MCC: variants seen among roughly 807,000 people sequenced by gnomAD.
The protein encoded by MCC is MCC regulator of Wnt signaling pathway, also known as colorectal mutant cancer protein.
MCC carries 90 observed loss-of-function variants against 116.2 expected under a neutral mutation model. The ratio of observed to expected loss-of-function variants is 0.77; its 90% CI spans 0.65 to 0.92. MCC has a LOEUF of 0.92. Ranked by LOEUF, MCC falls within the 40% of genes least tolerant of loss-of-function variation. The pLI is 0.00. For synonymous variants in MCC, 578 were observed against 510.5 expected (o/e 1.13, Z -1.78); for missense variants, 1,516 against 1,312.2 (o/e 1.16, Z -2.40).
chr5:113,248,342 A>G (rs1764653764), intron 3 of MCC, among the ~76,000 whole-genome samples: 1 of 152,192 alleles, frequency 6.6e-6, no homozygotes, highest in African/African-American at 2.4e-5. Flanking sequence ...AACAGAACAC[A>G]GAAAAACACA....
chr5:113,476,185 C>T (rs1031539593), intron 1 of MCC, among the ~76,000 whole-genome samples: 4 of 152,066 alleles, frequency 2.6e-5, no homozygotes, highest in South Asian at 2.1e-4. Context: ...TTGAAAAGAT[C>T]GAAAACTAAT....
chr5:113,398,050 G>T (rs1769579174), intron 1 of MCC, among the ~76,000 whole-genome samples: 1 of 152,196 alleles, frequency 6.6e-6, no homozygotes, highest in Non-Finnish European at 1.5e-5. Flanking sequence ...CTTCTCAAAA[G>T]AAGACACGCA....
intron 1 of MCC, among the ~76,000 whole-genome samples, chr5:113,458,397 G>A (rs913654741): frequency 6.6e-6 from 1 of 151,082 alleles, no homozygotes; most frequent in Non-Finnish European, 1.5e-5. Flanking sequence ...GCGGGACCAC[G>A]AACCCACCAG....
At chr5:113,043,832 C>A (rs1290765480) in intron 16 of MCC, among the ~76,000 whole-genome samples, 1 of 152,262 alleles carries the variant, frequency 6.6e-6, no homozygotes, top group Non-Finnish European at 1.5e-5. Context: ...GCTCCTTTTG[C>A]AGACTGGCCA....
Position 113,064,749 on chromosome 5 carries a change from C to T in MCC, c.2030-582G>A, listed in dbSNP as rs541530388. Among the ~76,000 whole-genome samples, 8 of 152,302 alleles carry T rather than the reference C, an allele frequency of 5.3e-5. No individual in the cohort carries two copies. In the South Asian group the frequency reaches 1.7e-3, roughly 32 times the overall value. On this transcript the variant is annotated intron_variant, in intron 13 of 18. Transcript: ENST00000408903. ...TTGGTAATCGGCGTGAACTCAAATGCCTCCAGGAGCCAGGTAAGTGGGCTA... is the reference window on the plus strand; with the variant it reads ...TTGGTAATCGGCGTGAACTCAAATGTCTCCAGGAGCCAGGTAAGTGGGCTA...
At position 113,488,441 on chromosome 5, in the gene MCC, A is replaced by T. The variant is rs900477236; in HGVS notation, c.-27T>A. ...CGCCCGCTCCCTACTTGGGAGGAGG[A>T]GTACGCGCGACCGCAGCTGGAATCC... is the stretch of plus-strand genomic sequence containing the variant. On this transcript the variant is annotated 5_prime_UTR_variant, in exon 1 of 19. Transcript: ENST00000408903. The T allele has an allele frequency of 1.4e-6, 2 of 1,391,812 alleles. No individual in the cohort carries two copies. Among genetic ancestry groups the T allele is most frequent in the African/African-American group, 3.0e-5 (2 of 66,294 alleles). 86.2% of individuals were successfully genotyped at this position (1,391,812 alleles called of 1,614,324 possible). A position where few individuals can be genotyped will look rare whatever the true frequency, so the allele number is the denominator to read the frequency against.
At chr5:113,245,185 A>T in intron 3 of MCC, among the ~76,000 whole-genome samples, 1 of 151,790 alleles carries the variant, frequency 6.6e-6, no homozygotes, top group Non-Finnish European at 1.5e-5. Flanking sequence ...GCTATTCACC[A>T]GGAGGCCGAG....
intron 3 of MCC, among the ~76,000 whole-genome samples, chr5:113,260,058 G>A (rs1765163907): frequency 6.6e-6 from 1 of 151,598 alleles, no homozygotes; most frequent in Admixed American, 6.6e-5. Context: ...ATAAATTCAA[G>A]AGAATCAATG....
At chr5:113,165,146 C>T (rs573821358) in intron 3 of MCC, among the ~76,000 whole-genome samples, 4 of 152,324 alleles carry the variant, frequency 2.6e-5, no homozygotes, top group African/African-American at 9.6e-5. Flanking sequence ...CAGATAAAAG[C>T]TACAACACAA....
At chr5:113,309,869 C>G (rs1767094940) in intron 3 of MCC, among the ~76,000 whole-genome samples, 1 of 150,284 alleles carries the variant, frequency 6.7e-6, no homozygotes. Context: ...TCCCTCTCGC[C>G]CTTCCCCCCT....
chr5:113,122,660 G>A, intron 6 of MCC, 24 bp downstream of exon 6: 1 of 1,609,274 alleles, frequency 6.2e-7, no homozygotes, highest in Non-Finnish European at 8.5e-7. Flanking sequence ...ACTCTGGCTT[G>A]GTGGCAAGGG....
rs117048801 is a variant in MCC at position 113,048,238 on chromosome 5, T to C, written c.2655+855A>G. The stretch of plus-strand genomic sequence containing the variant: ...GCTCCCCCTTAACTGCAGTTTTGCT[T>C]TCTGTGGTTTCGGTTCCTCAAGGTC... On this transcript the variant is annotated intron_variant, in intron 16 of 18. Coordinates refer to ENST00000408903, the MANE Select transcript of MCC (RefSeq NM_001085377.2). Among the ~76,000 whole-genome samples, 81 of 152,326 alleles carry C rather than the reference T, an allele frequency of 5.3e-4. 2 individuals are homozygous for C. In the East Asian group the frequency reaches 0.015, roughly 28 times the overall value.
chr5:113,473,326 C>T (rs1224203931), intron 1 of MCC, among the ~76,000 whole-genome samples: 6 of 151,970 alleles, frequency 3.9e-5, no homozygotes, highest in African/African-American at 9.7e-5. Context: ...GAGTTTGAGA[C>T]GAGCCTGGGA....
At chr5:113,211,663 A>C (rs1226844699) in intron 3 of MCC, among the ~76,000 whole-genome samples, 1 of 152,222 alleles carries the variant, frequency 6.6e-6, no homozygotes, top group Non-Finnish European at 1.5e-5. Flanking sequence ...GTTTATATAA[A>C]TAGCAGAATT....
intron 1 of MCC, among the ~76,000 whole-genome samples, chr5:113,388,192 G>T (rs576598277): frequency 1.3e-5 from 2 of 152,246 alleles, no homozygotes; most frequent in South Asian, 4.1e-4. Context: ...GCTGTTGAGA[G>T]GCTGATATAA....
intron 5 of MCC, among the ~76,000 whole-genome samples, chr5:113,132,372 GTATA>G: frequency 8.6e-6 from 1 of 116,602 alleles, no homozygotes; most frequent in Admixed American, 9.1e-5. Flanking sequence ...GTGTGTGTGT[GTATA>G]TATATACATA....
At chr5:113,161,490 T>G (rs958387362) in intron 3 of MCC, among the ~76,000 whole-genome samples, 1 of 152,186 alleles carries the variant, frequency 6.6e-6, no homozygotes, top group Non-Finnish European at 1.5e-5. Flanking sequence ...AAACAGTCAA[T>G]AAACTCCACA....
Position 113,151,426 on chromosome 5 carries a change from T to C in MCC, c.628-4A>G. Reference sequence around the variant, plus strand: ...ATGCCAGGGCTGCTGAATGGAGCTGTGGTGACAGAAAGGAGGAGATTAGAG... The same window carrying C: ...ATGCCAGGGCTGCTGAATGGAGCTGCGGTGACAGAAAGGAGGAGATTAGAG... On this transcript the variant is annotated splice_region_variant and splice_polypyrimidine_tract_variant and intron_variant, in intron 3 of 18. Transcript: ENST00000408903. The C allele has an allele frequency of 6.4e-7, 1 of 1,553,888 alleles. No homozygotes were observed.
chr5:113,188,613 AGTATG>A (rs1762012530), intron 3 of MCC, among the ~76,000 whole-genome samples: 1 of 152,228 alleles, frequency 6.6e-6, no homozygotes, highest in South Asian at 2.1e-4. Context: ...TTTTCAGAGG[AGTATG>A]GTATAAAGAG....
Sources: allele counts gnomAD v4.1 joint callset (sites outside exome capture counted in the v4.1 genomes callset), GRCh38; gene constraint gnomAD v4.1.1; transcripts MANE v1.5; gene names NCBI Gene and HGNC (gene_info 2026-07-23, HGNC 2026-07-21).